Variants in SUSD1 observed in about 807,000 individuals in gnomAD.
SUSD1 encodes sushi domain-containing protein 1.
Under a neutral mutation model 86.9 loss-of-function variants are expected in SUSD1, and 65 were observed. The ratio of observed to expected loss-of-function variants is 0.75; its 90% confidence interval spans 0.61 to 0.92. The LOEUF (loss-of-function observed/expected upper bound fraction) is 0.92, where lower values mean the gene tolerates loss of function less well. SUSD1 is among the 40% of genes least tolerant of loss of function. The probability of loss-of-function intolerance (pLI) is 0.00; values close to 1 mark genes in which losing one functional copy is unlikely to be tolerated. For synonymous variants in SUSD1, 346 were observed against 350.0 expected (o/e 0.99, Z 0.13); for missense variants, 850 against 929.7 (o/e 0.91, Z 1.11).
At chr9:112,056,458 A>G (rs1828454036) in intron 14 of SUSD1, among the ~76,000 whole-genome samples, 1 of 152,220 alleles carries the variant, frequency 6.6e-6, no homozygotes, top group South Asian at 2.1e-4. Flanking sequence ...TAAATTTTAT[A>G]TTGTATATGT....
chr9:112,119,567 G>A (rs929801940), intron 6 of SUSD1, among the ~76,000 whole-genome samples: 4 of 152,198 alleles, frequency 2.6e-5, no homozygotes, highest in African/African-American at 7.2e-5. Flanking sequence ...GTGAGTGAGC[G>A]TCAGCCTTAT....
intron 15 of SUSD1, 69 bp from the exon 16 acceptor site, chr9:112,042,029 C>T: frequency 6.3e-7 from 1 of 1,581,228 alleles, no homozygotes; most frequent in South Asian, 1.1e-5. Flanking sequence ...GCACACACCC[C>T]ACTGTGCTCA....
Position 112,149,231 on chromosome 9 carries a change from C to A in SUSD1, c.373+13G>T, listed in dbSNP as rs199608307. On this transcript the variant is annotated intron_variant, in intron 3 of 16. Transcript: ENST00000374270. ...TCGCCAATTGTCAACACCGCAGCCC[C>A]CTTCTTGAGTACCTGTACAAAAGGT... 4.3e-6 allele frequency: 7 copies of A among 1,613,758 alleles called. No homozygotes were observed. In the South Asian group the frequency reaches 7.7e-5, roughly 18 times the overall value.
chr9:112,149,258 C>T lies in SUSD1; in HGVS notation c.359G>A (p.Gly120Asp). Residue 120 changes from glycine (G) to aspartate (D), a missense_variant, in exon 3 of 17, where the codon GGC (glycine) becomes GAC (aspartate). Transcript: ENST00000374270. ...TTCTTGAGTACCTGTACAAAAGGTG[C>T]CATCGTTGGGAATGAATGTCTTGTT... The part of the protein sequence containing the change: ...NNNKTFIPND[G>D]TFCTDIDECE... The T allele has an allele frequency of 6.2e-7, 1 of 1,614,120 alleles. No homozygotes were observed.
chr9:112,157,640 A>G (rs1313934179), intron 1 of SUSD1, 27 bp from the exon 2 acceptor site: 1 of 1,585,254 alleles, frequency 6.3e-7, no homozygotes, highest in Non-Finnish European at 8.6e-7. Context: ...ATGTTTCAGA[A>G]AAAGAAAAAT....
chr9:112,057,017 T>G (rs1828480654), intron 14 of SUSD1, among the ~76,000 whole-genome samples: 1 of 152,162 alleles, frequency 6.6e-6, no homozygotes, highest in African/African-American at 2.4e-5. Flanking sequence ...GTGATGGTAT[T>G]TGGAGGCAGG....
chr9:112,099,954 C>CT (rs1830558137), intron 9 of SUSD1, among the ~76,000 whole-genome samples: 3 of 152,338 alleles, frequency 2.0e-5, no homozygotes, highest in Admixed American at 1.3e-4. Context: ...CTTCACTCCA[C>CT]TTTGGCCACC....
chr9:112,114,952 CCTT>C (rs751683869), intron 6 of SUSD1, among the ~76,000 whole-genome samples: 10 of 152,214 alleles, frequency 6.6e-5, no homozygotes, highest in Non-Finnish European at 1.5e-4. Flanking sequence ...CGCTGACTCT[CCTT>C]CTTTCCCTGT....
At chr9:112,071,115 G>A (rs989127921) in intron 12 of SUSD1, among the ~76,000 whole-genome samples, 11 of 152,060 alleles carry the variant, frequency 7.2e-5, no homozygotes, top group South Asian at 6.2e-4. Flanking sequence ...CTCCTAGAGC[G>A]CTGGAATTAT....
At chr9:112,152,939 A>C (rs529360409) in intron 2 of SUSD1, among the ~76,000 whole-genome samples, 1 of 151,008 alleles carries the variant, frequency 6.6e-6, no homozygotes, top group Admixed American at 6.6e-5. Context: ...ATTGGAAAAA[A>C]AATGTTTTTA....
In SUSD1 at chr9:112,143,556, G is replaced by A; in HGVS notation, c.441C>T (p.Ser147=). The A allele has an allele frequency of 6.2e-7, 1 of 1,614,078 alleles. No homozygotes were observed. Among genetic ancestry groups the A allele is most frequent in the Admixed American group, 1.7e-5 (1 of 60,016 alleles). ...HGGRCVNTHG[S]FECYCMDGYL... is the part of the protein sequence containing the mutation. ...ATCCATCCATACAGTAGCATTCAAAGCTCCCATGAGTGTTCACGCATCGCC... is the reference window on the plus strand; with the variant it reads ...ATCCATCCATACAGTAGCATTCAAAACTCCCATGAGTGTTCACGCATCGCC... Residue 147 remains serine (S), a synonymous_variant, in exon 4 of 17, where the codon AGC becomes AGT. Transcript: ENST00000374270.
intron 1 of SUSD1, among the ~76,000 whole-genome samples, chr9:112,159,761 G>C (rs1833487483): frequency 6.6e-6 from 1 of 152,142 alleles, no homozygotes; most frequent in Admixed American, 6.5e-5. Context: ...TATACCTTAA[G>C]AGTATACTTT....
chr9:112,107,879 C>G (rs1830918799), intron 8 of SUSD1, among the ~76,000 whole-genome samples: 1 of 152,064 alleles, frequency 6.6e-6, no homozygotes, highest in South Asian at 2.1e-4. Context: ...TAAACAAAAA[C>G]CAGAAGTCCT....
chr9:112,116,983 T>C (rs1390003928), intron 6 of SUSD1, among the ~76,000 whole-genome samples: 1 of 151,920 alleles, frequency 6.6e-6, no homozygotes, highest in Admixed American at 6.6e-5. Flanking sequence ...CTACTAAAAA[T>C]AGAGAAATTA....
intron 10 of SUSD1, among the ~76,000 whole-genome samples, chr9:112,081,145 C>A (rs1260336615): frequency 6.6e-6 from 1 of 152,164 alleles, no homozygotes; most frequent in African/African-American, 2.4e-5. Flanking sequence ...GGATCTCTGT[C>A]CCTAAAGTGG....
chr9:112,164,023 A>G (rs944291582), intron 1 of SUSD1, among the ~76,000 whole-genome samples: 1 of 152,082 alleles, frequency 6.6e-6, no homozygotes, highest in Admixed American at 6.5e-5. Flanking sequence ...AAAATAAAAA[A>G]AATAAAAAAA....
intron 12 of SUSD1, among the ~76,000 whole-genome samples, chr9:112,066,261 T>G (rs1276219869): frequency 6.6e-6 from 1 of 152,074 alleles, no homozygotes; most frequent in Non-Finnish European, 1.5e-5. Flanking sequence ...GAACAGAGCT[T>G]GGGGGTCCTG....
intron 13 of SUSD1, among the ~76,000 whole-genome samples, chr9:112,060,645 T>C (rs1828679524): frequency 6.6e-6 from 1 of 152,184 alleles, no homozygotes; most frequent in African/African-American, 2.4e-5. Flanking sequence ...GCCAAGGGCT[T>C]TCTACAAAAG....
intron 1 of SUSD1, among the ~76,000 whole-genome samples, chr9:112,165,973 G>GAA (rs1833806088): frequency 6.6e-6 from 1 of 151,072 alleles, no homozygotes; most frequent in Admixed American, 6.6e-5. Context: ...AAGAAAGAAA[G>GAA]AAAGAAAGAA....
Sources: allele counts gnomAD v4.1 joint callset (sites outside exome capture counted in the v4.1 genomes callset), GRCh38; gene constraint gnomAD v4.1.1; transcripts MANE v1.5; gene names NCBI Gene and HGNC (gene_info 2026-07-23, HGNC 2026-07-21).